Variants in CAVIN4 observed in about 807,000 individuals in gnomAD.
CAVIN4 encodes the protein caveolae-associated protein 4.
CAVIN4 carries 10 observed loss-of-function variants against 18.6 expected under a neutral mutation model. The observed-to-expected ratio is 0.54, with a 90% CI of 0.33 to 0.91. CAVIN4 has a LOEUF of 0.91. Among genes scored for constraint, CAVIN4 ranks in the 40% least tolerant of loss-of-function variants. The pLI is 0.02. For missense variants in CAVIN4, 459 were observed against 440.5 expected, an observed-to-expected ratio of 1.04 and a Z score of -0.38; for synonymous variants, 173 against 164.8, an observed-to-expected ratio of 1.05 and a Z score of -0.38.
chr9:100,581,989 A>G (rs918558154), intron 1 of CAVIN4, among the ~76,000 whole-genome samples: 1 of 152,218 alleles, frequency 6.6e-6, no homozygotes, highest in African/African-American at 2.4e-5. Flanking sequence ...TTAAATAAGT[A>G]TCCAAAGAAA....
In CAVIN4 at chr9:100,586,219, G is replaced by A. The variant is rs1839476985; in HGVS notation, c.863G>A (p.Cys288Tyr). The A allele has an allele frequency of 6.4e-7, 1 of 1,562,352 alleles. No homozygotes were observed. Among genetic ancestry groups the A allele is most frequent in the Non-Finnish European group, 8.7e-7 (1 of 1,155,948 alleles). ...CGAACAGTGGCTGAAGGTGAGGAATGTGCCAGGGAGATGGGTGTGGACATC... is the reference window on the plus strand; with the variant it reads ...CGAACAGTGGCTGAAGGTGAGGAATATGCCAGGGAGATGGGTGTGGACATC... The part of the protein sequence containing the change: ...KDRTVAEGEE[C>Y]AREMGVDIIA... Residue 288 changes from cysteine (C) to tyrosine (Y), a missense_variant, in exon 2 of 2, where the codon TGT becomes TAT. By Grantham distance (194) the Cys-to-Tyr change is radical. Transcript: ENST00000307584.
In CAVIN4 at chr9:100,578,127, G is replaced by T. The variant is rs747150166; in HGVS notation, c.-17G>T. On this transcript the variant is annotated 5_prime_UTR_variant, in exon 1 of 2. Coordinates refer to ENST00000307584, the MANE Select transcript of CAVIN4 (RefSeq NM_001018116.2). Reference sequence around the variant, plus strand: ...ATTGATTGTGGTTAGGACATCTTACGCTGAGAAATAAATAAAATGGAACAT... The same window carrying T: ...ATTGATTGTGGTTAGGACATCTTACTCTGAGAAATAAATAAAATGGAACAT... The T allele has an allele frequency of 2.0e-5, 32 of 1,612,828 alleles. No homozygotes were observed. Among genetic ancestry groups the T allele is most frequent in the Non-Finnish European group, 2.6e-5 (31 of 1,179,626 alleles).
upstream of CAVIN4, chr9:100,578,068 G>A (rs1016855079): frequency 1.0e-5 from 15 of 1,506,156 alleles, no homozygotes; most frequent in Non-Finnish European, 1.4e-5. Flanking sequence ...CCTGTTGCCT[G>A]TTATCAAGCT....
chr9:100,586,242 A>G lies in CAVIN4; in HGVS notation c.886A>G (p.Ile296Val). 1.9e-6 allele frequency: 3 copies of G among 1,575,562 alleles called. No homozygotes were observed. Among genetic ancestry groups the G allele is most frequent in the Middle Eastern group, 1.7e-4 (1 of 5,848 alleles). ...ATGTGCCAGGGAGATGGGTGTGGAC[A>G]TCATTGCCAGGAGCGAGTCTCTGGG... ...EECAREMGVD[I>V]IARSESLGPI... The change falls in exon 2 of 2, where the codon ATC (isoleucine) becomes GTC (valine). Residue 296 changes from isoleucine to valine, a missense_variant. Coordinates refer to ENST00000307584, the MANE Select transcript of CAVIN4 (RefSeq NM_001018116.2).
Position 100,585,916 on chromosome 9 carries a change from T to G in CAVIN4, c.560T>G (p.Leu187Arg). ...GTTGAAGAAAGCAGATCTGCCAGGCTTAGGAAGTCAGGCAAGGAGCACATT... is the reference window on the plus strand; with the variant it reads ...GTTGAAGAAAGCAGATCTGCCAGGCGTAGGAAGTCAGGCAAGGAGCACATT... ...YYVEESRSARLRKSGKEHIDN... is the reference protein window; with the variant it reads ...YYVEESRSARRRKSGKEHIDN... The change falls in exon 2 of 2, where the codon CTT becomes CGT. Residue 187 changes from leucine to arginine, a missense_variant. Coordinates refer to ENST00000307584, the MANE Select transcript of CAVIN4 (RefSeq NM_001018116.2). 6.2e-7 allele frequency: 1 copy of G among 1,614,152 alleles called. No individual in the cohort carries two copies. The highest frequency in any genetic ancestry group is 2.2e-5 in the East Asian group (1 of 44,882).
intron 1 of CAVIN4, among the ~76,000 whole-genome samples, chr9:100,580,792 G>A (rs1255783634): frequency 1.3e-5 from 2 of 152,136 alleles, no homozygotes; most frequent in Non-Finnish European, 2.9e-5. Context: ...GCAGCAGTTC[G>A]TCAAAAAGTA....
In CAVIN4 at chr9:100,578,142, A is replaced by C. The variant is rs1175136829; in HGVS notation, c.-2A>C. 6.2e-7 allele frequency: 1 copy of C among 1,613,802 alleles called. No homozygotes were observed. The highest frequency in any genetic ancestry group is 1.7e-5 in the Admixed American group (1 of 60,010). On this transcript the variant is annotated 5_prime_UTR_variant, in exon 1 of 2. Coordinates refer to ENST00000307584, the MANE Select transcript of CAVIN4 (RefSeq NM_001018116.2). Reference sequence around the variant, plus strand: ...GACATCTTACGCTGAGAAATAAATAAAATGGAACATAATGGGTCTGCTTCA... The same window carrying C: ...GACATCTTACGCTGAGAAATAAATACAATGGAACATAATGGGTCTGCTTCA...
intron 1 of CAVIN4, among the ~76,000 whole-genome samples, chr9:100,579,610 C>G (rs1839407611): frequency 1.3e-5 from 2 of 151,886 alleles, no homozygotes; most frequent in Non-Finnish European, 2.9e-5. Context: ...CTTTTTGGCC[C>G]CAAAATTTAT....
rs371645389 is a variant in CAVIN4, at chr9:100,586,518, C to T, written c.*67C>T. On this transcript the variant is annotated 3_prime_UTR_variant, in exon 2 of 2. Transcript: ENST00000307584. ...GCAGTTTTAGTTTGAATAGTGTAGT[C>T]GTCTACATTTCTGTGCCATGTAGGA... is the stretch of plus-strand genomic sequence containing the variant. 3.3e-4 allele frequency: 423 copies of T among 1,280,970 alleles called. 1 individual carries two copies. The African/African-American group carries it at 5.4e-3, about 16-fold the overall frequency. The allele number at this position is 1,280,970 out of a possible 1,614,324, so 79.4% of individuals were successfully genotyped here.
chr9:100,576,940 CA>C (rs1209471266), upstream of CAVIN4: 11 of 174,756 alleles, frequency 6.3e-5, no homozygotes. Context: ...AGCAAATGAC[CA>C]AGCATGAACT....
chr9:100,581,097 G>A (rs1839421678), intron 1 of CAVIN4: 1 of 152,088 alleles, frequency 6.6e-6, no homozygotes, highest in Admixed American at 6.5e-5. Context: ...TCACTAATAA[G>A]CCTCAGACTT....
chr9:100,582,033 C>T (rs1264966261), intron 1 of CAVIN4, among the ~76,000 whole-genome samples: 1 of 152,054 alleles, frequency 6.6e-6, no homozygotes, highest in African/African-American at 2.4e-5. Flanking sequence ...GACTATCAGG[C>T]TGATAGGTTT....
rs774008744 is a variant in CAVIN4, at chr9:100,586,248, G to A, written c.892G>A (p.Ala298Thr). 5.1e-6 allele frequency: 8 copies of A among 1,578,250 alleles called. No individual in the cohort carries two copies. In the African/African-American group the frequency reaches 9.5e-5, roughly 19 times the overall value. The part of the protein sequence containing the change: ...CAREMGVDII[A>T]RSESLGPISE... ...CAGGGAGATGGGTGTGGACATCATT[G>A]CCAGGAGCGAGTCTCTGGGCCCCAT... is the stretch of plus-strand genomic sequence containing the variant. Residue 298 changes from alanine to threonine, a missense_variant, in exon 2 of 2, where the codon GCC (alanine) becomes ACC (threonine). Transcript: ENST00000307584.
upstream of CAVIN4, chr9:100,578,020 C>CTTCAA (rs1427575120): frequency 1.2e-6 from 1 of 859,456 alleles, no homozygotes; most frequent in African/African-American, 1.7e-5. Flanking sequence ...AATACTTGAC[C>CTTCAA]GTTCTCTAGG....
intron 1 of CAVIN4, 124 bp downstream of exon 1, chr9:100,578,675 C>T: frequency 1.1e-6 from 1 of 901,214 alleles, no homozygotes; most frequent in Non-Finnish European, 1.8e-6. Context: ...CAATGGAGTT[C>T]TGTATTAGCA....
chr9:100,583,805 C>T (rs982402574), intron 1 of CAVIN4, among the ~76,000 whole-genome samples: 2 of 152,164 alleles, frequency 1.3e-5, no homozygotes, highest in Admixed American at 1.3e-4. Context: ...TCCCACCACA[C>T]CTGGCTAATT....
intron 1 of CAVIN4, among the ~76,000 whole-genome samples, chr9:100,579,114 CTTATTA>C (rs1034283149): frequency 2.0e-5 from 3 of 152,202 alleles, no homozygotes; most frequent in African/African-American, 7.2e-5. Context: ...AATTATTTTT[CTTATTA>C]TTATAGTAAT....
Position 100,578,403 on chromosome 9 carries a change from A to G in CAVIN4, c.260A>G (p.Asn87Ser). 6.2e-7 allele frequency: 1 copy of G among 1,614,196 alleles called. No individual in the cohort carries two copies. Residue 87 changes from asparagine (N) to serine (S), a missense_variant, in exon 1 of 2, where the codon AAC (asparagine) becomes AGC (serine). Transcript: ENST00000307584. The stretch of plus-strand genomic sequence containing the variant: ...CATAGCAATACAGGGCATATCATTA[A>G]CAAATTGTTTGAGAAAACCCGAAAA... Reference protein sequence around the residue: ...QSHSNTGHIINKLFEKTRKVS... With the variant: ...QSHSNTGHIISKLFEKTRKVS...
chr9:100,583,218 A>C (rs2118608588), intron 1 of CAVIN4, among the ~76,000 whole-genome samples: 1 of 152,288 alleles, frequency 6.6e-6, no homozygotes, highest in South Asian at 2.1e-4. Context: ...CTGCCTGCTC[A>C]GTGCCTCTGC....
Sources: gnomAD v4.1 joint callset for allele counts (sites outside exome capture counted in the v4.1 genomes callset) on GRCh38, gnomAD v4.1.1 for gene constraint, MANE v1.5 for transcripts, NCBI Gene and HGNC (gene_info 2026-07-23, HGNC 2026-07-21) for gene names.